Variants in IL1RN observed in about 807,000 individuals in gnomAD.
The protein encoded by IL1RN is interleukin-1 receptor antagonist protein.
Under a neutral mutation model 13.7 loss-of-function variants are expected in IL1RN, and 10 were observed. The ratio of observed to expected loss-of-function variants is 0.73; its 90% confidence interval spans 0.45 to 1.24. The LOEUF (loss-of-function observed/expected upper bound fraction) is 1.24, where lower values mean the gene tolerates loss of function less well. Ranked by LOEUF, IL1RN falls within the 50% of genes most tolerant of loss-of-function variation. The pLI is 0.00. For synonymous variants in IL1RN, 102 were observed against 82.7 expected (o/e 1.23, Z -1.27); for missense variants, 213 against 222.1 (o/e 0.96, Z 0.26).
At chr2:113,120,372 GTATC>G (rs972626178) in intron 2 of IL1RN, among the ~76,000 whole-genome samples, 15 of 151,762 alleles carry the variant, frequency 9.9e-5, no homozygotes, top group African/African-American at 3.4e-4. Flanking sequence ...ATGTATGCAT[GTATC>G]TATCTATCTG....
At chr2:113,118,199 G>A (rs764824551) in intron 1 of IL1RN, among the ~76,000 whole-genome samples, 2 of 152,244 alleles carry the variant, frequency 1.3e-5, no homozygotes, top group Non-Finnish European at 2.9e-5. Context: ...GGCATCCATG[G>A]GAGACCATGC....
rs751937390 is a variant in IL1RN, at chr2:113,132,673, C to A, written c.336C>A (p.Asp112Glu). The A allele has an allele frequency of 6.2e-7, 1 of 1,614,220 alleles. No individual in the cohort carries two copies. The highest frequency in any genetic ancestry group is 8.5e-7 in the Non-Finnish European group (1 of 1,180,044). Reference protein sequence around the residue: ...RLQLEAVNITDLSENRKQDKR... With the variant: ...RLQLEAVNITELSENRKQDKR... ...ATTTCCAGGCAGTTAACATCACTGA[C>A]CTGAGCGAGAACAGAAAGCAGGACA... is the stretch of plus-strand genomic sequence containing the variant. The change falls in exon 4 of 4, where the codon GAC (aspartate) becomes GAA (glutamate). Residue 112 changes from aspartate (D) to glutamate (E), a missense_variant. Coordinates refer to ENST00000409930, the MANE Select transcript of IL1RN (RefSeq NM_173842.3).
upstream of IL1RN, among the ~76,000 whole-genome samples, chr2:113,114,283 T>G (rs901871958): frequency 1.3e-5 from 2 of 152,222 alleles, no homozygotes; most frequent in Non-Finnish European, 2.9e-5. Context: ...CTGCAGAAGG[T>G]GACCACCCTA....
chr2:113,115,334 G>A (rs994343025), upstream of IL1RN, among the ~76,000 whole-genome samples: 1 of 151,982 alleles, frequency 6.6e-6, no homozygotes, highest in East Asian at 1.9e-4. Context: ...TCCCATAGTA[G>A]GAATTCCTTT....
At position 113,133,691 on chromosome 2, in the gene IL1RN, G is replaced by C. The variant is rs1245081837; in HGVS notation, c.*820G>C. 2 of 152,562 alleles carry C rather than the reference G, an allele frequency of 1.3e-5. No homozygotes were observed. The highest frequency in any genetic ancestry group is 2.1e-4 in the South Asian group (1 of 4,830). The allele number at this position is 152,562 out of a possible 1,614,324, so 9.5% of individuals were successfully genotyped here. On this transcript the variant is annotated 3_prime_UTR_variant, in exon 4 of 4. Transcript: ENST00000409930. ...TTTACCTCCTATCAGAAGTTTCTCA[G>C]CTCCCAAGGCTCTGAGCAAATGTGG... is the stretch of plus-strand genomic sequence containing the variant.
At chr2:113,105,657 A>G (rs995432777), upstream of IL1RN, among the ~76,000 whole-genome samples, 3 of 152,238 alleles carry the variant, frequency 2.0e-5, no homozygotes, top group Non-Finnish European at 4.4e-5. Context: ...GTGAGATGAC[A>G]TTAACAGTGT....
At chr2:113,130,376 G>A (rs1687128060) in intron 2 of IL1RN, among the ~76,000 whole-genome samples, 1 of 152,230 alleles carries the variant, frequency 6.6e-6, no homozygotes, top group Admixed American at 6.5e-5. Flanking sequence ...TGAAGCACGA[G>A]GAAGCTGAGA....
At chr2:113,106,932 T>C (rs145205894), upstream of IL1RN, among the ~76,000 whole-genome samples, 246 of 152,342 alleles carry the variant, frequency 1.6e-3, no homozygotes, top group Middle Eastern at 3.4e-3. Context: ...CATACAGTTA[T>C]TGAAGTAAAA....
chr2:113,117,905 C>T (rs1686632924), exon 1 of IL1RN: 3 of 786,458 alleles, frequency 3.8e-6, no homozygotes, highest in Non-Finnish European at 7.1e-6. Context: ...GCAGCTCCAC[C>T]CTGGGAGGGA....
chr2:113,111,620 G>A (rs1228447130), intron 1 of IL1RN, among the ~76,000 whole-genome samples: 4 of 152,178 alleles, frequency 2.6e-5, no homozygotes, highest in Non-Finnish European at 5.9e-5. Context: ...GTATATAAAG[G>A]CCTGGCTCCC....
chr2:113,110,746 A>T (rs556451669), upstream of IL1RN, among the ~76,000 whole-genome samples: 24 of 152,360 alleles, frequency 1.6e-4, no homozygotes, highest in Middle Eastern at 3.4e-3. Context: ...CGCAACCTAT[A>T]TAAAGCACCT....
upstream of IL1RN, among the ~76,000 whole-genome samples, chr2:113,126,713 C>T (rs1268685765): frequency 1.4e-5 from 2 of 141,858 alleles, no homozygotes; most frequent in African/African-American, 5.0e-5. Flanking sequence ...TTCCTTCCAT[C>T]CATTTGTGAA....
chr2:113,121,835 T>C (rs1251251749), intron 2 of IL1RN, among the ~76,000 whole-genome samples: 1 of 152,170 alleles, frequency 6.6e-6, no homozygotes, highest in African/African-American at 2.4e-5. Context: ...AATAAGTTGA[T>C]GGATTTGGTT....
At chr2:113,128,426 T>G (rs2104453408) in intron 1 of IL1RN, among the ~76,000 whole-genome samples, 1 of 152,186 alleles carries the variant, frequency 6.6e-6, no homozygotes, top group East Asian at 1.9e-4. Context: ...GGGTGACTTC[T>G]CCCCCACTCT....
upstream of IL1RN, among the ~76,000 whole-genome samples, chr2:113,116,898 A>AT (rs1686607414): frequency 6.6e-6 from 1 of 152,176 alleles, no homozygotes; most frequent in Admixed American, 6.5e-5. Flanking sequence ...CATCAGGTCC[A>AT]TTTTGCAGCT....
chr2:113,127,568 T>C (rs1687004378), upstream of IL1RN: 1 of 1,598,982 alleles, frequency 6.3e-7, no homozygotes, highest in Non-Finnish European at 8.5e-7. Context: ...ACTATTTCTT[T>C]ATAAACCACA....
rs368487081 is a variant in IL1RN, at chr2:113,127,642, C to T, written c.18C>T (p.Gly6=). ...GTCACAGAATGGAAATCTGCAGAGG[C>T]CTCCGCAGTCACCTAATCACTCTCC... The part of the protein sequence containing the change: MEICR[G]LRSHLITLLL... The change falls in exon 1 of 4, where the codon GGC becomes GGT. Residue 6 remains glycine, a synonymous_variant. Coordinates refer to ENST00000409930, the MANE Select transcript of IL1RN (RefSeq NM_173842.3). 54 of 1,613,934 alleles carry T rather than the reference C, an allele frequency of 3.3e-5. No homozygotes were observed. The highest frequency in any genetic ancestry group is 5.3e-5 in the African/African-American group (4 of 74,908).
intron 2 of IL1RN, 69 bp from the exon 3 acceptor site, chr2:113,130,976 A>C: frequency 6.8e-5 from 65 of 961,272 alleles, no homozygotes; most frequent in Non-Finnish European, 9.9e-5. Flanking sequence ...ATAGAAAAAT[A>C]CCCGGGGTCT....
At position 113,129,648 on chromosome 2, in the gene IL1RN, A is replaced by C. The variant is rs1347482440; in HGVS notation, c.189A>C (p.Pro63=). ...TAGTTGCTGGATACTTGCAAGGACC[A>C]AATGTCAATTTAGAAGGTGAGTGGT... The part of the protein sequence containing the change: ...NQLVAGYLQG[P]NVNLEEKIDV... The change falls in exon 2 of 4, where the codon CCA becomes CCC. Residue 63 remains proline, a synonymous_variant. Transcript: ENST00000409930. The C allele has an allele frequency of 6.2e-7, 1 of 1,610,694 alleles. No homozygotes were observed. Among genetic ancestry groups the C allele is most frequent in the Non-Finnish European group, 8.5e-7 (1 of 1,176,862 alleles).
Sources: gnomAD v4.1 joint callset for allele counts (sites outside exome capture counted in the v4.1 genomes callset) on GRCh38, gnomAD v4.1.1 for gene constraint, MANE v1.5 for transcripts, NCBI Gene and HGNC (gene_info 2026-07-23, HGNC 2026-07-21) for gene names.